Variants in ZCCHC2 observed in about 807,000 individuals in gnomAD.
ZCCHC2 encodes zinc finger CCHC domain-containing protein 2.
ZCCHC2 carries 39 observed loss-of-function variants against 103.6 expected under a neutral mutation model. The observed-to-expected ratio is 0.38, with a 90% confidence interval of 0.29 to 0.49. The LOEUF (loss-of-function observed/expected upper bound fraction) is 0.49. Ranked by LOEUF, ZCCHC2 falls within the 20% of genes least tolerant of loss-of-function variation. The pLI is 0.96. For missense variants in ZCCHC2, 1,483 were observed against 1,491.0 expected, an observed-to-expected ratio of 0.99 and a Z score of 0.09; for synonymous variants, 687 against 608.9, an observed-to-expected ratio of 1.13 and a Z score of -1.89.
rs147640589 is a variant in ZCCHC2 at position 62,537,182 on chromosome 18, T to C, written c.940-2499T>C. Among the ~76,000 whole-genome samples, 219 of 152,252 alleles carry C rather than the reference T, an allele frequency of 1.4e-3. 2 individuals carry two copies. The highest frequency in any genetic ancestry group is 5.1e-3 in the African/African-American group (211 of 41,544). ...GTACCTGGTAACTACTATTCTACTT[T>C]TTTTGTTTGCTTTAGAGACAGGGTC... On this transcript the variant is annotated intron_variant, in intron 1 of 13. Transcript: ENST00000269499.
Position 62,574,062 on chromosome 18 carries a change from G to T in ZCCHC2, c.1981G>T (p.Asp661Tyr), listed in dbSNP as rs1297519209. The change falls in exon 13 of 14, where the codon GAC (aspartate) becomes TAC (tyrosine). Residue 661 changes from aspartate (D) to tyrosine (Y), a missense_variant. Around this residue, in one of 3 missense-constraint regions of ZCCHC2, gnomAD observed 884 missense variants for 907.5 expected, o/e 0.97. Transcript: ENST00000269499. ...ESEEEKDRDTDSNSEDSGNPS... is the reference protein window; with the variant it reads ...ESEEEKDRDTYSNSEDSGNPS... ...TTTATGTTTGTTTTCTTTAGACACA[G>T]ACAGCAATTCTGAGGATTCTGGGAA... The T allele has an allele frequency of 1.2e-6, 2 of 1,611,688 alleles. No homozygotes were observed. The highest frequency in any genetic ancestry group is 2.7e-5 in the African/African-American group (2 of 74,778).
In ZCCHC2 at chr18:62,575,396, G is replaced by A. The variant is rs1175287336; in HGVS notation, c.3315G>A (p.Gly1105=). 6.2e-7 allele frequency: 1 copy of A among 1,614,008 alleles called. No homozygotes were observed. Among genetic ancestry groups the A allele is most frequent in the East Asian group, 2.2e-5 (1 of 44,888 alleles). Residue 1105 remains glycine (G), a synonymous_variant, in exon 13 of 14, where the codon GGG becomes GGA. Transcript: ENST00000269499. ...GCATGCAGCAGATGGCAGGATTTGG[G>A]AGATTCTATCCTGTATATCCAGCAC... ...NYGMQQMAGF[G]RFYPVYPAPN... is the part of the protein sequence containing the mutation.
intron 4 of ZCCHC2, among the ~76,000 whole-genome samples, chr18:62,547,669 C>G (rs761502913): frequency 6.6e-6 from 1 of 151,892 alleles, no homozygotes; most frequent in Admixed American, 6.6e-5. Context: ...TCAAGCTGTT[C>G]TCATGCCTCA....
At chr18:62,555,739 C>T (rs1024662630) in intron 5 of ZCCHC2, among the ~76,000 whole-genome samples, 1 of 151,600 alleles carries the variant, frequency 6.6e-6, no homozygotes, top group Non-Finnish European at 1.5e-5. Flanking sequence ...ACCTGGGAGG[C>T]GGAGGTTGCA....
chr18:62,558,294 G>T (rs564836709), intron 6 of ZCCHC2, among the ~76,000 whole-genome samples: 12 of 152,294 alleles, frequency 7.9e-5, no homozygotes, highest in African/African-American at 2.6e-4. Flanking sequence ...ATTTGACAGT[G>T]CCACGTTATT....
chr18:62,560,583 C>G lies in ZCCHC2; in HGVS notation c.1493-4C>G, dbSNP rs375021646. On this transcript the variant is annotated splice_polypyrimidine_tract_variant and splice_region_variant and intron_variant, in intron 7 of 13. Transcript: ENST00000269499. ...GTAATAAGTTACTTTTTCCTCTCTT[C>G]TAGATGTGTTGCAGCATGCCATAAT... The G allele has an allele frequency of 6.2e-7, 1 of 1,612,960 alleles. No homozygotes were observed.
chr18:62,533,103 A>T (rs1914764379), intron 1 of ZCCHC2, among the ~76,000 whole-genome samples: 1 of 152,052 alleles, frequency 6.6e-6, no homozygotes, highest in South Asian at 2.1e-4. Context: ...AATAAATTTG[A>T]TCTTTCACAC....
At chr18:62,564,722 A>G in intron 10 of ZCCHC2, 87 bp downstream of exon 10, 1 of 1,041,156 alleles carries the variant, frequency 9.6e-7, no homozygotes, top group Non-Finnish European at 1.4e-6. Context: ...GTATTTTTTT[A>G]GTTAGTTTTC....
At chr18:62,525,944 A>T (rs1174939159) in intron 1 of ZCCHC2, 2 of 152,242 alleles carry the variant, frequency 1.3e-5, no homozygotes, top group African/African-American at 4.8e-5. Flanking sequence ...TTGTAATAAC[A>T]TACAATATTG....
intron 3 of ZCCHC2, among the ~76,000 whole-genome samples, chr18:62,543,980 A>G (rs1915309400): frequency 6.6e-6 from 1 of 152,242 alleles, no homozygotes; most frequent in Non-Finnish European, 1.5e-5. Context: ...TAATAAAGAT[A>G]CCAATTTTAG....
intron 1 of ZCCHC2, among the ~76,000 whole-genome samples, chr18:62,529,094 A>T (rs1160246366): frequency 7.5e-6 from 1 of 133,436 alleles, no homozygotes; most frequent in African/African-American, 2.8e-5. Context: ...AGAGAAGCGG[A>T]GGTTGTAGTC....
downstream of ZCCHC2, among the ~76,000 whole-genome samples, chr18:62,583,281 A>G (rs1917083260): frequency 6.6e-6 from 1 of 152,202 alleles, no homozygotes; most frequent in African/African-American, 2.4e-5. Flanking sequence ...TCGCAGATTA[A>G]ACCTAGTTGG....
chr18:62,524,446 G>T, intron 1 of ZCCHC2, 83 bp downstream of exon 1: 19 of 1,406,962 alleles, frequency 1.4e-5, no homozygotes, highest in Non-Finnish European at 1.7e-5. Context: ...GACGCCCCTT[G>T]CCCGAGCCCC....
intron 4 of ZCCHC2, among the ~76,000 whole-genome samples, chr18:62,546,744 G>A (rs1352512157): frequency 6.6e-6 from 1 of 152,212 alleles, no homozygotes; most frequent in African/African-American, 2.4e-5. Flanking sequence ...AGCTGTTTGT[G>A]CCTTGACAGA....
chr18:62,565,517 C>T (rs867180005), intron 11 of ZCCHC2, among the ~76,000 whole-genome samples: 3 of 152,066 alleles, frequency 2.0e-5, no homozygotes, highest in East Asian at 1.9e-4. Context: ...CCATCCTTTG[C>T]GAAGTTTTAT....
At chr18:62,560,405 G>A (rs907653306) in intron 7 of ZCCHC2, 182 bp from the exon 8 acceptor site, 1 of 436,566 alleles carries the variant, frequency 2.3e-6, no homozygotes, top group Non-Finnish European at 4.1e-6. Context: ...GAACATAAAA[G>A]GTAATTCAGA....
Position 62,524,269 on chromosome 18 carries a change from A to G in ZCCHC2, c.845A>G (p.Glu282Gly), listed in dbSNP as rs1223466115. 5 of 1,549,754 alleles carry G rather than the reference A, an allele frequency of 3.2e-6. No individual in the cohort carries two copies. The highest frequency in any genetic ancestry group is 1.7e-6 in the Non-Finnish European group (2 of 1,146,608). ...TTCCACCAGCGGGTCACCCTGAGGG[A>G]ACACTTGGAGAGGCTCCGCGCCGCG... ...FSFHQRVTLR[E>G]HLERLRAALR... The change falls in exon 1 of 14, where the codon GAA (glutamate) becomes GGA (glycine). Residue 282 changes from glutamate to glycine, a missense_variant. By Grantham distance (98) the Glu-to-Gly change is moderately conservative. Around this residue, in one of 3 missense-constraint regions of ZCCHC2, gnomAD observed 568 missense variants for 525.1 expected, o/e 1.08. Transcript: ENST00000269499.
intron 13 of ZCCHC2, 78 bp from the exon 14 acceptor site, chr18:62,576,434 G>C (rs116625654): frequency 2.9e-4 from 375 of 1,281,040 alleles, no homozygotes; most frequent in Non-Finnish European, 3.8e-4. Context: ...GAGCATGCCC[G>C]TGTGATAGCT....
intron 1 of ZCCHC2, among the ~76,000 whole-genome samples, chr18:62,531,791 TAAAAAAAAAAA>T (rs11315078): frequency 2.6e-3 from 296 of 113,484 alleles, no homozygotes; most frequent in Non-Finnish European, 3.7e-3. Flanking sequence ...CTACAAAAAG[TAAAAAAAAAAA>T]AAAAAAAAAA....
Sources: allele counts gnomAD v4.1 joint callset (sites outside exome capture counted in the v4.1 genomes callset), GRCh38; gene constraint gnomAD v4.1.1; regional missense constraint gnomAD v4.1.1; transcripts MANE v1.5; gene names NCBI Gene and HGNC (gene_info 2026-07-23, HGNC 2026-07-21).